The following FBXL7 variants were observed in gnomAD, a reference collection of about 807,000 sequenced individuals.
FBXL7 encodes the protein F-box/LRR-repeat protein 7.
Under a neutral mutation model 38.3 loss-of-function variants are expected in FBXL7, and 12 were observed. The observed-to-expected ratio is 0.31, with a 90% CI of 0.20 to 0.51. The LOEUF (loss-of-function observed/expected upper bound fraction) is 0.51. Ranked by LOEUF, FBXL7 falls within the 20% of genes least tolerant of loss-of-function variation. FBXL7 has a pLI of 0.98. For synonymous variants in FBXL7, 297 were observed against 300.9 expected (o/e 0.99, Z 0.13); for missense variants, 567 against 676.4 (o/e 0.84, Z 1.79).
At position 15,821,417 on chromosome 5, in the gene FBXL7, C is replaced by T. The variant is rs73056297; in HGVS notation, c.128-106473C>T. Among the ~76,000 whole-genome samples, 555 of 152,228 alleles carry T rather than the reference C, an allele frequency of 3.6e-3. 5 individuals are homozygous for T. The highest frequency in any genetic ancestry group is 0.012 in the African/African-American group (491 of 41,530). On this transcript the variant is annotated intron_variant, in intron 2 of 3. Coordinates refer to ENST00000504595, the MANE Select transcript of FBXL7 (RefSeq NM_012304.5). ...TGTAACATGACAGCTCTCAAAAACC[C>T]GTCGCACAGGGAGAAGGACATTCAT...
rs968967668 is a variant in FBXL7 at position 15,658,304 on chromosome 5, A to G, written c.127+42232A>G. Among the ~76,000 whole-genome samples, 24 of 152,276 alleles carry G rather than the reference A, an allele frequency of 1.6e-4. No homozygotes were observed. The Middle Eastern group carries it at 0.01, about 65-fold the overall frequency. ...CTAGTAGGAATTAGTTGTGTTTGAA[A>G]CTAAGAATTTTGACTGAATGATATG... On this transcript the variant is annotated intron_variant, in intron 2 of 3. Transcript: ENST00000504595.
intron 1 of FBXL7, among the ~76,000 whole-genome samples, chr5:15,601,726 C>T (rs988709409): frequency 1.3e-5 from 2 of 152,222 alleles, no homozygotes; most frequent in Middle Eastern, 3.4e-3. Context: ...TACTGCCATT[C>T]AATGAAACTT....
At chr5:15,667,004 GT>G (rs1022063777) in intron 2 of FBXL7, among the ~76,000 whole-genome samples, 11 of 152,110 alleles carry the variant, frequency 7.2e-5, no homozygotes, top group African/African-American at 2.4e-4. Context: ...AACCTTGTTT[GT>G]GGGATTACTA....
At chr5:15,820,419 C>G (rs554780007) in intron 2 of FBXL7, among the ~76,000 whole-genome samples, 1 of 152,176 alleles carries the variant, frequency 6.6e-6, no homozygotes, top group East Asian at 1.9e-4. Flanking sequence ...TCTTACCCCG[C>G]CTTTCACTGG....
chr5:15,501,892 G>C (rs1296196993), intron 1 of FBXL7, among the ~76,000 whole-genome samples: 2 of 146,566 alleles, frequency 1.4e-5, no homozygotes, highest in Non-Finnish European at 3.0e-5. Context: ...GTGTGTGTGT[G>C]TATCTATGTA....
chr5:15,582,169 C>G (rs912668846), intron 1 of FBXL7, among the ~76,000 whole-genome samples: 1 of 152,122 alleles, frequency 6.6e-6, no homozygotes, highest in African/African-American at 2.4e-5. Flanking sequence ...AAACTCCTGA[C>G]CTCAAGTGAT....
intron 1 of FBXL7, among the ~76,000 whole-genome samples, chr5:15,537,192 T>C (rs1737611336): frequency 6.6e-6 from 1 of 152,230 alleles, no homozygotes; most frequent in African/African-American, 2.4e-5. Context: ...TTTATAGCAG[T>C]GTGAAAATAG....
At chr5:15,733,667 G>A (rs1735672135) in intron 2 of FBXL7, among the ~76,000 whole-genome samples, 1 of 152,168 alleles carries the variant, frequency 6.6e-6, no homozygotes, top group South Asian at 2.1e-4. Context: ...TTGTTGTGGA[G>A]GGTGAATGCA....
At chr5:15,779,800 A>G (rs532185610) in intron 2 of FBXL7, among the ~76,000 whole-genome samples, 2 of 152,320 alleles carry the variant, frequency 1.3e-5, no homozygotes, top group East Asian at 3.9e-4. Flanking sequence ...GTCATGGAAA[A>G]TCTATTCTGT....
At chr5:15,861,852 A>G (rs912458881) in intron 2 of FBXL7, among the ~76,000 whole-genome samples, 1 of 152,218 alleles carries the variant, frequency 6.6e-6, no homozygotes, top group African/African-American at 2.4e-5. Context: ...GCCATATTCC[A>G]ACTCCATTTG....
At chr5:15,933,184 G>A (rs954316331) in intron 3 of FBXL7, among the ~76,000 whole-genome samples, 1 of 152,042 alleles carries the variant, frequency 6.6e-6, no homozygotes, top group Non-Finnish European at 1.5e-5. Context: ...ATAAGAGTTT[G>A]GGCAAAACCT....
At position 15,928,168 on chromosome 5, in the gene FBXL7, C is replaced by T. The variant is rs1467025563; in HGVS notation, c.406C>T (p.Arg136Cys). 3.7e-6 allele frequency: 6 copies of T among 1,609,888 alleles called. No homozygotes were observed. The East Asian group carries it at 1.1e-4, about 30-fold the overall frequency. The change falls in exon 3 of 4, where the codon CGC (arginine) becomes TGC (cysteine). Residue 136 changes from arginine (R) to cysteine (C), a missense_variant. Coordinates refer to ENST00000504595, the MANE Select transcript of FBXL7 (RefSeq NM_012304.5). This position sits in a 1 kb window ranked among gnomAD's most constrained non-coding sequence, Gnocchi z 4.0. ...FSFLPTNQLC[R>C]CARVCRRWYN... is the part of the protein sequence containing the mutation. ...CTTCCTGCCCACCAACCAGCTGTGC[C>T]GCTGCGCGCGAGTGTGCCGCCGCTG...
chr5:15,899,577 C>CA (rs765875802), intron 2 of FBXL7, among the ~76,000 whole-genome samples: 1 of 151,966 alleles, frequency 6.6e-6, no homozygotes, highest in Non-Finnish European at 1.5e-5. Flanking sequence ...CAAACCAAAC[C>CA]AAAAAACCCT....
chr5:15,735,355 TAAC>T (rs1735723418), intron 2 of FBXL7, among the ~76,000 whole-genome samples: 2 of 152,160 alleles, frequency 1.3e-5, no homozygotes, highest in African/African-American at 4.8e-5. Context: ...ATCAAAGTAA[TAAC>T]AAATGAAATG....
In FBXL7 at chr5:15,782,973, G is replaced by A. The variant is rs575244687; in HGVS notation, c.128-144917G>A. ...TGACAGTTGCAATAATAAATATAAA[G>A]TGACACCAAACAGCTGTGTGATTTT... On this transcript the variant is annotated intron_variant, in intron 2 of 3. Transcript: ENST00000504595. Among the ~76,000 whole-genome samples, 3 of 152,178 alleles carry A rather than the reference G, an allele frequency of 2.0e-5. No individual in the cohort carries two copies. In the South Asian group the frequency reaches 6.2e-4, roughly 32 times the overall value.
At chr5:15,523,075 A>G (rs994697551) in intron 1 of FBXL7, among the ~76,000 whole-genome samples, 24 of 152,226 alleles carry the variant, frequency 1.6e-4, no homozygotes, top group African/African-American at 5.8e-4. Flanking sequence ...ACCACATGTG[A>G]CCACCTGATG....
intron 2 of FBXL7, among the ~76,000 whole-genome samples, chr5:15,860,445 T>C (rs983625440): frequency 1.3e-5 from 2 of 152,210 alleles, no homozygotes; most frequent in African/African-American, 4.8e-5. Context: ...GCATCCAGGC[T>C]ACCAATAAGG....
At chr5:15,924,408 C>CAAAGG (rs1447270136) in intron 2 of FBXL7, among the ~76,000 whole-genome samples, 1 of 152,142 alleles carries the variant, frequency 6.6e-6, no homozygotes, top group Admixed American at 6.6e-5. Context: ...ATCCTTGTCT[C>CAAAGG]AAAGGAGTTT....
rs147905599 is a variant in FBXL7, at chr5:15,695,384, C to T, written c.127+79312C>T. ...GCTCCAAGTCTCCCAGCCCCCTGCC[C>T]TGGGCAGTCCCTCACTGCTTGCTCT... On this transcript the variant is annotated intron_variant, in intron 2 of 3. Transcript: ENST00000504595. 6.1e-3 allele frequency among the ~76,000 whole-genome samples: 935 copies of T among 152,192 alleles called. 11 individuals carry two copies. Among genetic ancestry groups the T allele is most frequent in the African/African-American group, 0.021 (885 of 41,546 alleles).
Sources: allele counts gnomAD v4.1 joint callset (sites outside exome capture counted in the v4.1 genomes callset), GRCh38; gene constraint gnomAD v4.1.1; non-coding constraint Gnocchi (gnomAD v3.1); transcripts MANE v1.5; gene names NCBI Gene and HGNC (gene_info 2026-07-23, HGNC 2026-07-21).